The following SLCO1A2 variants were observed in gnomAD, a reference collection of about 807,000 sequenced individuals.
SLCO1A2 encodes solute carrier organic anion transporter family member 1A2, also known as OATP-1.
A neutral mutation model predicts 69.0 loss-of-function variants in SLCO1A2; 67 were observed. That is an observed-to-expected ratio of 0.97 (90% confidence interval 0.80 to 1.19). The LOEUF (loss-of-function observed/expected upper bound fraction) is 1.19, where lower values mean the gene tolerates loss of function less well. Among genes scored for constraint, SLCO1A2 ranks in the 50% most tolerant of loss-of-function variants. The pLI, the probability that SLCO1A2 is intolerant of heterozygous loss-of-function variation, is 0.00. For missense variants in SLCO1A2, 787 were observed against 793.7 expected, an observed-to-expected ratio of 0.99 and a Z score of 0.10; for synonymous variants, 260 against 265.9, an observed-to-expected ratio of 0.98 and a Z score of 0.22.
intron 1 of SLCO1A2, among the ~76,000 whole-genome samples, chr12:21,391,168 TAGAC>T (rs1337747567): frequency 6.6e-6 from 1 of 152,198 alleles, no homozygotes; most frequent in Non-Finnish European, 1.5e-5. Context: ...ATTTAGATAT[TAGAC>T]AGCCCTACCA....
At chr12:21,318,033 A>C (rs1565495271) in intron 3 of SLCO1A2, among the ~76,000 whole-genome samples, 1 of 152,122 alleles carries the variant, frequency 6.6e-6, no homozygotes, top group African/African-American at 2.4e-5. Context: ...AACCTCCCAG[A>C]CCAAATAGCA....
intron 2 of SLCO1A2, among the ~76,000 whole-genome samples, chr12:21,362,708 T>C (rs550344034): frequency 6.6e-6 from 1 of 152,224 alleles, no homozygotes; most frequent in East Asian, 1.9e-4. Flanking sequence ...GAGGAAGATC[T>C]ACCAAGCAAA....
At chr12:21,368,771 T>C (rs1328696694) in intron 2 of SLCO1A2, among the ~76,000 whole-genome samples, 1 of 152,072 alleles carries the variant, frequency 6.6e-6, no homozygotes, top group African/African-American at 2.4e-5. Context: ...AAAGAAACAC[T>C]TTAAAATGTA....
At position 21,417,705 on chromosome 12, in the gene SLCO1A2, A is replaced by G. The variant is rs144109751; in HGVS notation, c.-312+177T>C. ...GGAACTAATAGACTCGATGACAAAA[A>G]TTATGTAGAAGATGGGATTTGGTGG... On this transcript the variant is annotated intron_variant, in intron 1 of 4. Transcript: ENST00000413682. 1.9e-3 allele frequency among the ~76,000 whole-genome samples: 287 copies of G among 152,262 alleles called. 1 individual carries two copies. Among genetic ancestry groups the G allele is most frequent in the African/African-American group, 6.6e-3 (275 of 41,546 alleles).
chr12:21,292,579 C>CT (rs1189909151), intron 11 of SLCO1A2, among the ~76,000 whole-genome samples: 18 of 152,000 alleles, frequency 1.2e-4, no homozygotes, highest in African/African-American at 4.1e-4. Flanking sequence ...TAAAGACACA[C>CT]TTTTTTATTA....
At chr12:21,303,676 C>T (rs1397154038) in intron 6 of SLCO1A2, among the ~76,000 whole-genome samples, 1 of 152,126 alleles carries the variant, frequency 6.6e-6, no homozygotes, top group East Asian at 1.9e-4. Context: ...GATTGGAAGG[C>T]AGCACAAGAA....
intron 2 of SLCO1A2, among the ~76,000 whole-genome samples, chr12:21,365,308 A>G (rs1939285829): frequency 6.6e-6 from 1 of 152,232 alleles, no homozygotes. Flanking sequence ...AGGATTCCCT[A>G]TTTAATAAAC....
intron 2 of SLCO1A2, among the ~76,000 whole-genome samples, chr12:21,364,584 A>T (rs1316194370): frequency 6.6e-6 from 1 of 152,214 alleles, no homozygotes; most frequent in Non-Finnish European, 1.5e-5. Context: ...AGGGTATTCA[A>T]TTAGGAAAAG....
intron 2 of SLCO1A2, among the ~76,000 whole-genome samples, chr12:21,349,278 G>A (rs895877345): frequency 6.6e-6 from 1 of 152,062 alleles, no homozygotes; most frequent in African/African-American, 2.4e-5. Context: ...GGAAAGTTGG[G>A]GAGGGGGAAA....
At chr12:21,398,420 A>G (rs1042624091), upstream of SLCO1A2, among the ~76,000 whole-genome samples, 2 of 126,320 alleles carry the variant, frequency 1.6e-5, no homozygotes, top group African/African-American at 5.5e-5. Flanking sequence ...GACCAGATGG[A>G]TTCACAGCTG....
chr12:21,316,362 A>G (rs967076704), intron 3 of SLCO1A2, among the ~76,000 whole-genome samples: 17 of 152,086 alleles, frequency 1.1e-4, no homozygotes, highest in African/African-American at 4.1e-4. Flanking sequence ...ACATTCATCC[A>G]TATTCATAGA....
intron 1 of SLCO1A2, among the ~76,000 whole-genome samples, chr12:21,415,920 A>C (rs983650947): frequency 6.6e-6 from 1 of 151,276 alleles, no homozygotes; most frequent in African/African-American, 2.4e-5. Flanking sequence ...CATCTGGAGG[A>C]TTTTCTCCAT....
chr12:21,328,805 C>T (rs1471343517), intron 2 of SLCO1A2, among the ~76,000 whole-genome samples: 1 of 152,144 alleles, frequency 6.6e-6, no homozygotes, highest in East Asian at 1.9e-4. Flanking sequence ...AGGCCAGTGC[C>T]ACTCCAGGAC....
intron 5 of SLCO1A2, among the ~76,000 whole-genome samples, chr12:21,305,052 A>G (rs1394774894): frequency 6.6e-6 from 1 of 152,216 alleles, no homozygotes; most frequent in Non-Finnish European, 1.5e-5. Flanking sequence ...AAAGTTCGCT[A>G]AAGTGTGAAT....
chr12:21,290,212 G>A (rs1402765541), intron 12 of SLCO1A2, among the ~76,000 whole-genome samples: 2 of 151,948 alleles, frequency 1.3e-5, no homozygotes, highest in African/African-American at 2.4e-5. Context: ...GAATATTTAA[G>A]CAAATGACAG....
intron 2 of SLCO1A2, among the ~76,000 whole-genome samples, chr12:21,371,325 C>A (rs1939772899): frequency 6.6e-6 from 1 of 152,134 alleles, no homozygotes; most frequent in Non-Finnish European, 1.5e-5. Context: ...GAGTCTAGTC[C>A]TGCCTCCTAC....
chr12:21,412,064 T>C (rs958235628), intron 1 of SLCO1A2, among the ~76,000 whole-genome samples: 1 of 152,186 alleles, frequency 6.6e-6, no homozygotes, highest in Non-Finnish European at 1.5e-5. Flanking sequence ...ATGTTACCTA[T>C]AGAGATATCA....
chr12:21,284,242 A>C (rs1945316179), intron 12 of SLCO1A2, among the ~76,000 whole-genome samples: 1 of 152,200 alleles, frequency 6.6e-6, no homozygotes, highest in African/African-American at 2.4e-5. Context: ...AGCCATAAAA[A>C]AAAGAATGAG....
At chr12:21,280,001 T>C (rs987505664) in intron 12 of SLCO1A2, among the ~76,000 whole-genome samples, 4 of 152,100 alleles carry the variant, frequency 2.6e-5, no homozygotes, top group African/African-American at 7.2e-5. Flanking sequence ...CTTATTAGTT[T>C]CTTTATGCAA....
Sources: gnomAD v4.1 joint callset for allele counts (sites outside exome capture counted in the v4.1 genomes callset) on GRCh38, gnomAD v4.1.1 for gene constraint, MANE v1.5 for transcripts, NCBI Gene and HGNC (gene_info 2026-07-23, HGNC 2026-07-21) for gene names.